Variants in ANAPC10 observed in about 807,000 individuals in gnomAD.
ANAPC10 encodes anaphase promoting complex subunit 10.
A neutral mutation model predicts 22.0 loss-of-function variants in ANAPC10; 12 were observed. The ratio of observed to expected loss-of-function variants is 0.55; its 90% confidence interval spans 0.35 to 0.88. The LOEUF (loss-of-function observed/expected upper bound fraction) is 0.88, where lower values mean the gene tolerates loss of function less well. Among genes scored for constraint, ANAPC10 ranks in the 40% least tolerant of loss-of-function variants. ANAPC10 has a pLI of 0.01. For synonymous variants in ANAPC10, 65 were observed against 69.5 expected (o/e 0.94, Z 0.32); for missense variants, 188 against 220.9 (o/e 0.85, Z 0.94).
intron 4 of ANAPC10, chr4:145,033,133 C>T (rs976496724): frequency 6.6e-6 from 1 of 152,192 alleles, no homozygotes; most frequent in Non-Finnish European, 1.5e-5. Context: ...GATGACAATA[C>T]TTTGCAGGAC....
chr4:145,031,492 C>G (rs1041313704), intron 4 of ANAPC10, among the ~76,000 whole-genome samples: 1 of 152,174 alleles, frequency 6.6e-6, no homozygotes, highest in Non-Finnish European at 1.5e-5. Flanking sequence ...CCTAGTGGGT[C>G]TAATTGGATT....
intron 4 of ANAPC10, among the ~76,000 whole-genome samples, chr4:145,053,223 A>C (rs1333318470): frequency 2.0e-5 from 3 of 152,248 alleles, no homozygotes; most frequent in African/African-American, 7.2e-5. Context: ...GAAAATTCAC[A>C]TAGCTACTCA....
At chr4:145,040,133 G>A (rs1216281803) in intron 4 of ANAPC10, among the ~76,000 whole-genome samples, 1 of 2,074 alleles carries the variant, frequency 4.8e-4, no homozygotes, top group African/African-American at 5.2e-4. Flanking sequence ...GTGTGTATGT[G>A]TGTGTGTGTG....
At chr4:145,089,678 T>C (rs772792025) in intron 2 of ANAPC10, among the ~76,000 whole-genome samples, 6 of 152,146 alleles carry the variant, frequency 3.9e-5, no homozygotes, top group Non-Finnish European at 8.8e-5. Context: ...ATTTCAAAGA[T>C]ACAAAAAGAT....
At chr4:145,051,560 G>C (rs769510263) in intron 4 of ANAPC10, among the ~76,000 whole-genome samples, 70 of 152,086 alleles carry the variant, frequency 4.6e-4, no homozygotes, top group Non-Finnish European at 8.5e-4. Context: ...GTGCAATAAG[G>C]TGAAAAGCAT....
chr4:145,062,696 G>A (rs1012412605), intron 4 of ANAPC10, among the ~76,000 whole-genome samples: 1 of 152,044 alleles, frequency 6.6e-6, no homozygotes, highest in African/African-American at 2.4e-5. Context: ...CCTGAGTTCA[G>A]ATGTCAGCAA....
intron 4 of ANAPC10, among the ~76,000 whole-genome samples, chr4:145,057,048 G>T (rs1007400569): frequency 2.6e-5 from 4 of 152,096 alleles, no homozygotes; most frequent in Non-Finnish European, 5.9e-5. Flanking sequence ...GCTCTTGAAA[G>T]AAAATTCATC....
chr4:145,009,884 C>A lies in ANAPC10; in HGVS notation c.328-14281G>T, dbSNP rs181177458. On this transcript the variant is annotated intron_variant, in intron 4 of 4. Transcript: ENST00000507656. ...AGAAACTACCATCAGAGTGAAAAGG[C>A]AACCTACAAAATGGGAGAAAATTTT... Among the ~76,000 whole-genome samples, 1,007 of 152,236 alleles carry A rather than the reference C, an allele frequency of 6.6e-3. 16 individuals are homozygous for A. The highest frequency in any genetic ancestry group is 0.023 in the African/African-American group (964 of 41,504).
chr4:145,005,447 G>T (rs961924269), intron 4 of ANAPC10, among the ~76,000 whole-genome samples: 1 of 151,792 alleles, frequency 6.6e-6, no homozygotes, highest in Non-Finnish European at 1.5e-5. Flanking sequence ...GGTTTTTCAT[G>T]TCTCAATTTC....
intron 3 of ANAPC10, among the ~76,000 whole-genome samples, chr4:145,065,847 G>T (rs1743596722): frequency 6.6e-6 from 1 of 151,864 alleles, no homozygotes; most frequent in African/African-American, 2.4e-5. Flanking sequence ...GACCTAGGTG[G>T]AATTACCCAA....
At chr4:144,998,888 A>G (rs962333864) in intron 4 of ANAPC10, among the ~76,000 whole-genome samples, 10 of 152,182 alleles carry the variant, frequency 6.6e-5, no homozygotes, top group Non-Finnish European at 1.5e-5. Flanking sequence ...ATAAAGAAGA[A>G]AAGAGAAAAG....
chr4:145,070,063 T>C (rs139416392), intron 3 of ANAPC10, among the ~76,000 whole-genome samples: 1 of 152,324 alleles, frequency 6.6e-6, no homozygotes, highest in African/African-American at 2.4e-5. Context: ...ATGAGATACA[T>C]ATATAAAGAT....
chr4:145,079,913 A>C (rs1205498171), intron 3 of ANAPC10, among the ~76,000 whole-genome samples: 1 of 152,044 alleles, frequency 6.6e-6, no homozygotes, highest in Non-Finnish European at 1.5e-5. Flanking sequence ...CAGGAGTTTG[A>C]GACCAGCCTG....
intron 1 of ANAPC10, chr4:145,097,449 C>T (rs1369082655): frequency 3.1e-6 from 4 of 1,280,288 alleles, no homozygotes; most frequent in Non-Finnish European, 4.1e-6. Flanking sequence ...TGCTACTGAA[C>T]ATTGTTATAT....
intron 4 of ANAPC10, among the ~76,000 whole-genome samples, chr4:145,051,950 T>C (rs1453985584): frequency 6.6e-6 from 1 of 152,202 alleles, no homozygotes; most frequent in Non-Finnish European, 1.5e-5. Context: ...GGTTAACTCC[T>C]ACAAAATTGA....
At chr4:145,048,333 T>C (rs1740629077) in intron 4 of ANAPC10, among the ~76,000 whole-genome samples, 1 of 152,122 alleles carries the variant, frequency 6.6e-6, no homozygotes, top group Non-Finnish European at 1.5e-5. Context: ...TATGCCATAA[T>C]ATGACAAAAT....
intron 4 of ANAPC10, among the ~76,000 whole-genome samples, chr4:144,996,223 T>G (rs574263178): frequency 4.6e-5 from 7 of 152,272 alleles, no homozygotes; most frequent in Admixed American, 1.3e-4. Flanking sequence ...TATAGGATCT[T>G]AGTGATGACA....
intron 4 of ANAPC10, among the ~76,000 whole-genome samples, chr4:145,028,285 A>G (rs116634575): frequency 1.8e-3 from 280 of 152,250 alleles, no homozygotes; most frequent in African/African-American, 6.2e-3. Flanking sequence ...AAAAATGTGA[A>G]AAGGAGAGAC....
At chr4:145,049,427 C>A (rs1467039364) in intron 4 of ANAPC10, among the ~76,000 whole-genome samples, 1 of 152,154 alleles carries the variant, frequency 6.6e-6, no homozygotes, top group Non-Finnish European at 1.5e-5. Context: ...TAAGATGATG[C>A]AATATTCTAA....
Sources: allele counts gnomAD v4.1 joint callset (sites outside exome capture counted in the v4.1 genomes callset), GRCh38; gene constraint gnomAD v4.1.1; transcripts MANE v1.5; gene names NCBI Gene and HGNC (gene_info 2026-07-23, HGNC 2026-07-21).